The following PCDHA4 variants were observed in gnomAD, a reference collection of about 807,000 sequenced individuals.
PCDHA4 encodes protocadherin alpha-4.
PCDHA4 carries 49 observed loss-of-function variants against 61.4 expected under a neutral mutation model. The ratio of observed to expected loss-of-function variants is 0.80; its 90% CI spans 0.63 to 1.01. PCDHA4 has a LOEUF of 1.01. Ranked by LOEUF, PCDHA4 falls within the 50% of genes least tolerant of loss-of-function variation. The pLI is 0.00. For synonymous variants in PCDHA4, 590 were observed against 550.3 expected (o/e 1.07, Z -1.01); for missense variants, 1,254 against 1,235.8 (o/e 1.01, Z -0.22).
intron 1 of PCDHA4, among the ~76,000 whole-genome samples, chr5:140,891,866 T>C (rs2063289213): frequency 6.6e-6 from 1 of 152,184 alleles, no homozygotes; most frequent in Non-Finnish European, 1.5e-5. Flanking sequence ...TCTCTTATGC[T>C]TTTGGCTCTG....
chr5:140,912,227 C>T (rs1422799663), intron 1 of PCDHA4, among the ~76,000 whole-genome samples: 1 of 151,784 alleles, frequency 6.6e-6, no homozygotes, highest in Non-Finnish European at 1.5e-5. Flanking sequence ...TTTCCCAGTC[C>T]ACTGACTCAA....
chr5:140,876,855 A>C (rs371246236), intron 1 of PCDHA4: 7 of 1,613,934 alleles, frequency 4.3e-6, no homozygotes, highest in East Asian at 2.2e-5. Flanking sequence ...CCGAGTACAC[A>C]GTGTTCGTGA....
chr5:140,947,920 A>G (rs1336638527), intron 1 of PCDHA4, among the ~76,000 whole-genome samples: 1 of 151,504 alleles, frequency 6.6e-6, no homozygotes, highest in African/African-American at 2.4e-5. Context: ...TCTTGCCTTA[A>G]CCCTGATCTT....
chr5:140,830,390 A>G (rs1554132803), intron 1 of PCDHA4: 3 of 1,614,042 alleles, frequency 1.9e-6, no homozygotes, highest in South Asian at 1.1e-5. Flanking sequence ...CCCACCCAAG[A>G]TGGATCTCAT....
rs1451807345 is a variant in PCDHA4, at chr5:140,860,140, T to A, written c.2385+50568T>A. 3 of 150,428 alleles carry A rather than the reference T, an allele frequency of 2.0e-5. No homozygotes were observed. The South Asian group carries it at 6.2e-4, about 31-fold the overall frequency. 9.3% of individuals were successfully genotyped at this position (150,428 alleles called of 1,614,324 possible). On this transcript the variant is annotated intron_variant, in intron 1 of 3. Transcript: ENST00000530339. ...CTTGTACTGTGTGTGTGTGTATATA[T>A]ATGTATATATGTGTATATATATATG...
chr5:140,824,246 A>G (rs1229487680), intron 1 of PCDHA4: 1 of 1,453,814 alleles, frequency 6.9e-7, no homozygotes, highest in East Asian at 2.3e-5. Flanking sequence ...ATTGTGGTAC[A>G]CAATTATTGC....
intron 1 of PCDHA4, among the ~76,000 whole-genome samples, chr5:140,896,645 A>G (rs988054711): frequency 1.3e-5 from 2 of 151,728 alleles, no homozygotes; most frequent in African/African-American, 4.8e-5. Context: ...CCAAAGTGCT[A>G]GTATTACAGG....
At chr5:140,983,408 A>C (rs1554245369) in intron 3 of PCDHA4, among the ~76,000 whole-genome samples, 1 of 152,208 alleles carries the variant, frequency 6.6e-6, no homozygotes, top group East Asian at 1.9e-4. Context: ...GGGAAGATTA[A>C]GTGTTGGTAG....
chr5:140,869,307 C>G, intron 1 of PCDHA4: 2 of 1,613,664 alleles, frequency 1.2e-6, no homozygotes, highest in Non-Finnish European at 1.7e-6. Flanking sequence ...GGGTGGCGTC[C>G]AAAACACATG....
chr5:140,815,803 A>T (rs1229333055), intron 1 of PCDHA4: 1 of 152,124 alleles, frequency 6.6e-6, no homozygotes, highest in Non-Finnish European at 1.5e-5. Flanking sequence ...TTTAACTGGG[A>T]AGGTCTTTAT....
chr5:140,872,307 C>T (rs1329371918), intron 1 of PCDHA4, among the ~76,000 whole-genome samples: 2 of 152,046 alleles, frequency 1.3e-5, no homozygotes, highest in East Asian at 3.9e-4. Flanking sequence ...TTATATGCTG[C>T]TTTATGGAAA....
At chr5:140,882,481 C>T in intron 1 of PCDHA4, 2 of 1,614,038 alleles carry the variant, frequency 1.2e-6, no homozygotes, top group Middle Eastern at 1.7e-4. Flanking sequence ...CCAAAAGACA[C>T]GGGGACCTTC....
intron 1 of PCDHA4, chr5:140,823,023 C>A (rs148202782): frequency 3.1e-6 from 5 of 1,614,108 alleles, no homozygotes; most frequent in Middle Eastern, 1.6e-4. Context: ...ACCGCGAGAG[C>A]GTGTCGGTCT....
rs112947494 is a variant in PCDHA4, at chr5:140,841,828, C to T, written c.2385+32256C>T. The T allele has an allele frequency of 2.2e-3, 3,483 of 1,613,892 alleles. 96 individuals are homozygous for T. In the African/African-American group the frequency reaches 0.04, roughly 19 times the overall value. ...ATGTTGGAGCTAACTCCGTGTTAAC[C>T]TACAGGCTTAGCTCTCATGATTACT... On this transcript the variant is annotated intron_variant, in intron 1 of 3. Transcript: ENST00000530339.
intron 1 of PCDHA4, chr5:140,860,966 T>A (rs2046677867): frequency 6.6e-6 from 1 of 152,238 alleles, no homozygotes; most frequent in African/African-American, 2.4e-5. Context: ...CTAGATCTCC[T>A]GACCTCGTGA....
At chr5:140,985,739 C>CTTTTTT (rs11372071) in intron 3 of PCDHA4, among the ~76,000 whole-genome samples, 3 of 117,922 alleles carry the variant, frequency 2.5e-5, no homozygotes, top group Non-Finnish European at 1.7e-5. Context: ...TGATGAATTC[C>CTTTTTT]TTTTTTTTTT....
intron 1 of PCDHA4, among the ~76,000 whole-genome samples, chr5:140,976,735 T>G (rs1412647375): frequency 1.3e-5 from 2 of 152,160 alleles, no homozygotes; most frequent in Non-Finnish European, 2.9e-5. Flanking sequence ...TTAAACACAT[T>G]TTAAAAACCT....
At chr5:140,809,829 T>A (rs1319284228) in intron 1 of PCDHA4, 1 of 363,652 alleles carries the variant, frequency 2.7e-6, no homozygotes, top group Non-Finnish European at 4.9e-6. Flanking sequence ...TCACCCTCTT[T>A]GTTTTTGGTA....
chr5:140,808,899 G>T lies in PCDHA4; in HGVS notation c.1712G>T (p.Gly571Val). The T allele has an allele frequency of 6.2e-7, 1 of 1,613,482 alleles. No individual in the cohort carries two copies. ...CCAGCACTGCTAGCGCCTCGGGCGG[G>T]TGGCACTGGTGGCGCAGTGAGCGAG... ...NAPALLAPRA[G>V]GTGGAVSELV... The change falls in exon 1 of 4, where the codon GGT becomes GTT. Residue 571 changes from glycine (G) to valine (V), a missense_variant. Transcript: ENST00000530339.
Sources: allele counts gnomAD v4.1 joint callset (sites outside exome capture counted in the v4.1 genomes callset), GRCh38; gene constraint gnomAD v4.1.1; transcripts MANE v1.5; gene names NCBI Gene and HGNC (gene_info 2026-07-23, HGNC 2026-07-21).